TAOK3: variants seen among roughly 807,000 people sequenced by gnomAD.
The protein encoded by TAOK3 is serine/threonine-protein kinase TAO3.
A neutral mutation model predicts 120.4 loss-of-function variants in TAOK3; 40 were observed. That is an observed-to-expected ratio of 0.33 (90% CI 0.26 to 0.43). TAOK3 has a LOEUF of 0.43. Ranked by LOEUF, TAOK3 falls within the 20% of genes least tolerant of loss-of-function variation. The pLI, the probability that TAOK3 is intolerant of heterozygous loss-of-function variation, is 1.00. For missense variants in TAOK3, 821 were observed against 1,112.1 expected (o/e 0.74, Z 3.72); for synonymous variants, 355 against 387.5 (o/e 0.92, Z 0.99).
chr12:118,250,429 A>G (rs1220895939), intron 3 of TAOK3, among the ~76,000 whole-genome samples: 1 of 152,224 alleles, frequency 6.6e-6, no homozygotes, highest in Non-Finnish European at 1.5e-5. Context: ...GGCAGCATTC[A>G]GTGTAAAAAG....
chr12:118,201,166 C>G, intron 12 of TAOK3, 130 bp downstream of exon 12: 1 of 858,048 alleles, frequency 1.2e-6, no homozygotes, highest in Non-Finnish European at 1.8e-6. Flanking sequence ...TCTTGTACAA[C>G]CCTTCATGTT....
intron 1 of TAOK3, among the ~76,000 whole-genome samples, chr12:118,273,243 C>T (rs1258710952): frequency 6.6e-6 from 1 of 152,174 alleles, no homozygotes; most frequent in Non-Finnish European, 1.5e-5. Flanking sequence ...TGGCTCATGC[C>T]TGTAATCCCA....
At chr12:118,169,525 G>A (rs575491600) in intron 17 of TAOK3, among the ~76,000 whole-genome samples, 16 of 151,640 alleles carry the variant, frequency 1.1e-4, no homozygotes, top group African/African-American at 3.9e-4. Context: ...TGGCCAGGCT[G>A]GTCTCGAACT....
chr12:118,272,432 G>T (rs994847801), intron 1 of TAOK3, among the ~76,000 whole-genome samples: 9 of 151,854 alleles, frequency 5.9e-5, no homozygotes, highest in Admixed American at 5.3e-4. Context: ...GTGTTTCAAT[G>T]TTTTTTTCAA....
chr12:118,365,361 G>A (rs372750008), intron 1 of TAOK3, among the ~76,000 whole-genome samples: 2 of 151,726 alleles, frequency 1.3e-5, no homozygotes. Flanking sequence ...GCCTCCTGAG[G>A]AGCTGGGATT....
chr12:118,219,351 A>G (rs1477189391), intron 9 of TAOK3, among the ~76,000 whole-genome samples: 1 of 151,700 alleles, frequency 6.6e-6, no homozygotes, highest in Non-Finnish European at 1.5e-5. Context: ...CATGGGCTCA[A>G]GTGATCCTCC....
chr12:118,360,033 A>AG (rs1237253904), intron 1 of TAOK3, among the ~76,000 whole-genome samples: 7 of 152,184 alleles, frequency 4.6e-5, no homozygotes, highest in African/African-American at 1.7e-4. Context: ...TGGGAGGCCG[A>AG]GGCAGGCGGA....
chr12:118,258,651 G>A (rs921915740), intron 2 of TAOK3, among the ~76,000 whole-genome samples: 1 of 151,736 alleles, frequency 6.6e-6, no homozygotes, highest in Non-Finnish European at 1.5e-5. Context: ...GGCGGAGGTT[G>A]CAGTGAGCCG....
chr12:118,155,757 G>C (rs2034777436), intron 19 of TAOK3, among the ~76,000 whole-genome samples: 3 of 151,820 alleles, frequency 2.0e-5, no homozygotes, highest in Non-Finnish European at 2.9e-5. Flanking sequence ...TTTTTTAAGA[G>C]TCCCAGTCTT....
intron 1 of TAOK3, among the ~76,000 whole-genome samples, chr12:118,294,380 CTTTTCTTT>C (rs1566077111): frequency 6.6e-6 from 1 of 151,526 alleles, no homozygotes; most frequent in African/African-American, 2.4e-5. Context: ...AATTTCTTTT[CTTTTCTTT>C]TTTTTTTCTT....
At chr12:118,248,785 G>T (rs1036808621) in intron 3 of TAOK3, among the ~76,000 whole-genome samples, 4 of 152,012 alleles carry the variant, frequency 2.6e-5, no homozygotes, top group Non-Finnish European at 5.9e-5. Context: ...TACATTTATA[G>T]GATAATCACT....
At chr12:118,281,700 C>G (rs903895321) in intron 1 of TAOK3, among the ~76,000 whole-genome samples, 4 of 150,008 alleles carry the variant, frequency 2.7e-5, no homozygotes, top group Non-Finnish European at 5.9e-5. Context: ...TGCAGTGAGC[C>G]AAGATTGCAC....
intron 7 of TAOK3, among the ~76,000 whole-genome samples, chr12:118,236,926 T>C (rs1030783525): frequency 6.6e-6 from 1 of 152,168 alleles, no homozygotes; most frequent in South Asian, 2.1e-4. Context: ...TAAGTTAATG[T>C]GCAGATTAAG....
chr12:118,326,088 A>G (rs1371396646), intron 1 of TAOK3, among the ~76,000 whole-genome samples: 1 of 152,144 alleles, frequency 6.6e-6, no homozygotes, highest in African/African-American at 2.4e-5. Flanking sequence ...TGCCAGACCA[A>G]TGTCCTAGAC....
intron 1 of TAOK3, among the ~76,000 whole-genome samples, chr12:118,369,382 G>T (rs1212437352): frequency 1.3e-5 from 2 of 152,156 alleles, no homozygotes; most frequent in African/African-American, 4.8e-5. Flanking sequence ...CTACTGCAAA[G>T]AATCTCTCTT....
At chr12:118,152,568 C>A (rs372691116) in intron 19 of TAOK3, 159 bp from the exon 20 acceptor site, 2 of 640,858 alleles carry the variant, frequency 3.1e-6, no homozygotes. Flanking sequence ...AGTTGGGAAT[C>A]AAAAACAGTC....
At chr12:118,156,577 G>A (rs1019500816) in intron 19 of TAOK3, among the ~76,000 whole-genome samples, 2 of 152,088 alleles carry the variant, frequency 1.3e-5, no homozygotes, top group East Asian at 1.9e-4. Context: ...AGGTCCAGAC[G>A]AGCTCCTGTA....
chr12:118,231,216 G>A (rs993329855), intron 9 of TAOK3, among the ~76,000 whole-genome samples: 1 of 152,148 alleles, frequency 6.6e-6, no homozygotes, highest in Admixed American at 6.5e-5. Flanking sequence ...GGTTCCCTGC[G>A]TGTGTTGGCA....
At chr12:118,355,137 C>A (rs1235264635) in intron 1 of TAOK3, among the ~76,000 whole-genome samples, 1 of 152,130 alleles carries the variant, frequency 6.6e-6, no homozygotes, top group African/African-American at 2.4e-5. Context: ...TTTTAGACCA[C>A]AGTTCACCAT....
Sources: gnomAD v4.1 joint callset for allele counts (sites outside exome capture counted in the v4.1 genomes callset) on GRCh38, gnomAD v4.1.1 for gene constraint, MANE v1.5 for transcripts, NCBI Gene and HGNC (gene_info 2026-07-23, HGNC 2026-07-21) for gene names.